ABI1: variants seen among roughly 807,000 people sequenced by gnomAD.
ABI1 encodes Abelson interactor 1.
A neutral mutation model predicts 54.6 loss-of-function variants in ABI1; 14 were observed. The observed-to-expected ratio is 0.26, with a 90% CI of 0.17 to 0.40. The LOEUF (loss-of-function observed/expected upper bound fraction) is 0.40. Among genes scored for constraint, ABI1 ranks in the 10% least tolerant of loss-of-function variants. ABI1 has a pLI of 1.00. For missense variants in ABI1, 443 were observed against 598.3 expected, an observed-to-expected ratio of 0.74 and a Z score of 2.71; for synonymous variants, 194 against 209.3, an observed-to-expected ratio of 0.93 and a Z score of 0.63.
chr10:26,839,196 T>C lies in ABI1; in HGVS notation c.118-15891A>G, dbSNP rs148489892. ...GTGACAAAACCACATCTTTAATTCA[T>C]GCCCAAATAAATTTAACTAGCCAGG... On this transcript the variant is annotated intron_variant, in intron 1 of 10. Transcript: ENST00000376140. Among the ~76,000 whole-genome samples, 547 of 152,266 alleles carry C rather than the reference T, an allele frequency of 3.6e-3. 5 individuals are homozygous for C. The highest frequency in any genetic ancestry group is 0.03 in the East Asian group (154 of 5,192).
At chr10:26,780,997 G>A (rs978838114) in intron 2 of ABI1, among the ~76,000 whole-genome samples, 2 of 152,204 alleles carry the variant, frequency 1.3e-5, no homozygotes, top group African/African-American at 4.8e-5. Context: ...GGGCTCATAA[G>A]CTCCAGGGAG....
chr10:26,783,267 A>G (rs751271552), intron 2 of ABI1, among the ~76,000 whole-genome samples: 7 of 152,240 alleles, frequency 4.6e-5, no homozygotes, highest in Non-Finnish European at 1.0e-4. Flanking sequence ...TCATAAAGAC[A>G]GAAAATGGAG....
At chr10:26,775,508 C>T (rs1564482343) in intron 3 of ABI1, among the ~76,000 whole-genome samples, 1 of 151,926 alleles carries the variant, frequency 6.6e-6, no homozygotes, top group Non-Finnish European at 1.5e-5. Context: ...AGCCCCCCAA[C>T]CCTGTGTCTA....
chr10:26,770,475 T>G (rs1234094863), intron 4 of ABI1, 130 bp from the exon 5 acceptor site: 1 of 957,042 alleles, frequency 1.0e-6, no homozygotes, highest in South Asian at 1.3e-5. Flanking sequence ...ATAAAGACTT[T>G]GGTACTACAG....
chr10:26,853,466 C>T (rs2050567970), intron 1 of ABI1, among the ~76,000 whole-genome samples: 1 of 151,028 alleles, frequency 6.6e-6, no homozygotes, highest in African/African-American at 2.4e-5. Flanking sequence ...GAAAAATATA[C>T]AACCTCCCAA....
At chr10:26,830,833 CATA>C (rs1468222474) in intron 1 of ABI1, among the ~76,000 whole-genome samples, 3 of 152,134 alleles carry the variant, frequency 2.0e-5, no homozygotes, top group Non-Finnish European at 4.4e-5. Context: ...GCTATCAAAT[CATA>C]ATGTTTTCAA....
At chr10:26,816,992 G>GTA (rs905918407) in intron 2 of ABI1, among the ~76,000 whole-genome samples, 3 of 132,664 alleles carry the variant, frequency 2.3e-5, no homozygotes, top group Non-Finnish European at 5.1e-5. Flanking sequence ...GACTTTGTGT[G>GTA]TGTGTGTGTG....
chr10:26,853,301 T>C (rs77717131), intron 1 of ABI1, among the ~76,000 whole-genome samples: 1 of 33,356 alleles, frequency 3.0e-5, no homozygotes, highest in Non-Finnish European at 4.7e-5. Flanking sequence ...AACAATGCCC[T>C]TTTTTTTTTT....
chr10:26,772,002 T>A (rs942302996), intron 3 of ABI1, among the ~76,000 whole-genome samples: 10 of 151,700 alleles, frequency 6.6e-5, no homozygotes, highest in East Asian at 1.9e-4. Context: ...TTTTTTTTTT[T>A]AAATAACATC....
intron 1 of ABI1, among the ~76,000 whole-genome samples, chr10:26,857,878 CTG>C (rs1354175114): frequency 3.4e-5 from 5 of 148,646 alleles, no homozygotes; most frequent in Admixed American, 3.3e-4. Flanking sequence ...AAGAAAAAAA[CTG>C]TCCTTTTTAA....
intron 2 of ABI1, among the ~76,000 whole-genome samples, chr10:26,809,268 C>CAAA (rs201796012): frequency 2.2e-5 from 3 of 133,738 alleles, no homozygotes; most frequent in African/African-American, 8.3e-5. Flanking sequence ...AGACTTATCT[C>CAAA]AAAAAAAAAA....
intron 8 of ABI1, among the ~76,000 whole-genome samples, chr10:26,756,209 C>A (rs1838284033): frequency 6.6e-6 from 1 of 152,056 alleles, no homozygotes; most frequent in African/African-American, 2.4e-5. Flanking sequence ...ATAAATAAAA[C>A]AAATATATAA....
intron 9 of ABI1, among the ~76,000 whole-genome samples, chr10:26,754,413 T>A (rs912086679): frequency 6.6e-6 from 1 of 152,214 alleles, no homozygotes; most frequent in African/African-American, 2.4e-5. Flanking sequence ...TTCAAACACA[T>A]ATTAACAGTA....
At chr10:26,826,834 A>G (rs965612100) in intron 1 of ABI1, among the ~76,000 whole-genome samples, 2 of 151,946 alleles carry the variant, frequency 1.3e-5, no homozygotes, top group African/African-American at 4.8e-5. Flanking sequence ...CACCTCTCTC[A>G]GCCTTCACAG....
chr10:26,802,560 A>G (rs2046630838), intron 2 of ABI1, among the ~76,000 whole-genome samples: 1 of 152,224 alleles, frequency 6.6e-6, no homozygotes. Context: ...AATCAATGAC[A>G]ATCATTCACA....
chr10:26,839,384 T>C (rs2049320494), intron 1 of ABI1, among the ~76,000 whole-genome samples: 1 of 151,944 alleles, frequency 6.6e-6, no homozygotes, highest in South Asian at 2.1e-4. Context: ...TAGTCCTAGC[T>C]ACTGGGGAGG....
At chr10:26,799,909 C>T (rs191533536) in intron 2 of ABI1, among the ~76,000 whole-genome samples, 1 of 151,348 alleles carries the variant, frequency 6.6e-6, no homozygotes, top group Non-Finnish European at 1.5e-5. Flanking sequence ...AAGTTCTCTA[C>T]AGGCTTCCTC....
intron 2 of ABI1, among the ~76,000 whole-genome samples, chr10:26,803,279 T>C (rs1479216741): frequency 6.6e-6 from 1 of 152,202 alleles, no homozygotes; most frequent in Non-Finnish European, 1.5e-5. Flanking sequence ...CAATCTTTTA[T>C]ACCATGCTTC....
chr10:26,750,392 G>C (rs904740914), intron 10 of ABI1, among the ~76,000 whole-genome samples: 1 of 152,158 alleles, frequency 6.6e-6, no homozygotes, highest in Non-Finnish European at 1.5e-5. Flanking sequence ...TACTTAAGAG[G>C]CTGAGGCAGG....
Sources: allele counts gnomAD v4.1 joint callset (sites outside exome capture counted in the v4.1 genomes callset), GRCh38; gene constraint gnomAD v4.1.1; transcripts MANE v1.5; gene names NCBI Gene and HGNC (gene_info 2026-07-23, HGNC 2026-07-21).